Variants in SRP54 observed in about 807,000 individuals in gnomAD.
The protein encoded by SRP54 is signal recognition particle 54, also known as signal recognition particle subunit SRP54.
SRP54 carries 10 observed loss-of-function variants against 64.8 expected under a neutral mutation model. The observed-to-expected ratio is 0.15, with a 90% confidence interval of 0.10 to 0.26. The LOEUF is 0.26. SRP54 is among the 10% of genes least tolerant of loss of function. The pLI, the probability that SRP54 is intolerant of heterozygous loss-of-function variation, is 1.00. For missense variants in SRP54, 325 were observed against 613.7 expected (o/e 0.53, Z 4.97); for synonymous variants, 193 against 185.6 (o/e 1.04, Z -0.32).
chr14:34,992,468 A>C (rs999333580), intron 1 of SRP54, among the ~76,000 whole-genome samples: 19 of 152,196 alleles, frequency 1.2e-4, no homozygotes, highest in Non-Finnish European at 2.5e-4. Context: ...CCATAAAAAG[A>C]ATGAAATCAT....
intron 1 of SRP54, among the ~76,000 whole-genome samples, chr14:34,991,322 G>T (rs966342890): frequency 1.3e-5 from 2 of 151,418 alleles, no homozygotes; most frequent in Non-Finnish European, 2.9e-5. Flanking sequence ...TAGAGATGGG[G>T]TTTCACCATG....
intron 13 of SRP54, among the ~76,000 whole-genome samples, chr14:35,022,082 C>A (rs977705831): frequency 1.3e-5 from 2 of 151,914 alleles, no homozygotes; most frequent in African/African-American, 4.8e-5. Context: ...TAGAACGTAC[C>A]TCTTTCTGCT....
At chr14:34,996,064 C>CAAA (rs201959550) in intron 1 of SRP54, among the ~76,000 whole-genome samples, 13 of 119,566 alleles carry the variant, frequency 1.1e-4, no homozygotes, top group East Asian at 2.2e-4. Flanking sequence ...GACCCTGTCT[C>CAAA]AAAAAAAAAA....
intron 11 of SRP54, among the ~76,000 whole-genome samples, chr14:35,016,404 A>G (rs1250921531): frequency 1.3e-5 from 2 of 152,194 alleles, no homozygotes; most frequent in Non-Finnish European, 2.9e-5. Context: ...TCTGTGTGCC[A>G]GCTATGCTGG....
chr14:35,006,637 C>G (rs1290107593), intron 4 of SRP54, among the ~76,000 whole-genome samples: 1 of 151,952 alleles, frequency 6.6e-6, no homozygotes, highest in Non-Finnish European at 1.5e-5. Context: ...TCATGTGTAG[C>G]CTTCATATAC....
chr14:35,011,629 T>A lies in SRP54; in HGVS notation c.606T>A (p.Phe202Leu). 3 of 1,584,306 alleles carry A rather than the reference T, an allele frequency of 1.9e-6. No individual in the cohort carries two copies. Among genetic ancestry groups the A allele is most frequent in the Non-Finnish European group, 2.6e-6 (3 of 1,162,018 alleles). ...SGRHKQEDSL[F>L]EEMLQVANAI... ...GCCACAAACAAGAAGACTCTTTGTT[T>A]GAAGAAATGCTTCAAGTTGCTAATG... Residue 202 changes from phenylalanine to leucine, a missense_variant, in exon 8 of 16, where the codon TTT becomes TTA. This residue lies in a region of SRP54 where 156 missense variants were observed against 254.6 expected (regional missense o/e 0.61). Coordinates refer to ENST00000216774, the MANE Select transcript of SRP54 (RefSeq NM_003136.4).
At chr14:34,994,811 A>G (rs1166231511) in intron 1 of SRP54, among the ~76,000 whole-genome samples, 2 of 150,784 alleles carry the variant, frequency 1.3e-5, no homozygotes, top group Admixed American at 6.6e-5. Flanking sequence ...ACAGAGTCTC[A>G]CTCTGTCACC....
intron 2 of SRP54, 63 bp downstream of exon 2, chr14:34,996,850 C>T: frequency 8.6e-7 from 1 of 1,165,728 alleles, no homozygotes; most frequent in Non-Finnish European, 1.3e-6. Context: ...GGGAAGATGG[C>T]TTATTCATAA....
At chr14:35,002,038 A>T (rs943370909) in intron 4 of SRP54, among the ~76,000 whole-genome samples, 1 of 141,786 alleles carries the variant, frequency 7.1e-6, no homozygotes, top group Non-Finnish European at 1.6e-5. Flanking sequence ...CAGTCTCTAT[A>T]AAAAAAAAAA....
At position 35,006,566 on chromosome 14, in the gene SRP54, A is replaced by G. The variant is rs755544960; in HGVS notation, c.256-717A>G. On this transcript the variant is annotated intron_variant, in intron 4 of 15. Coordinates refer to ENST00000216774, the MANE Select transcript of SRP54 (RefSeq NM_003136.4). ...TAATTTTTTAGATGTATTGGGGTAG[A>G]TACTAAAATTAGTATCACCTGTTTT... Among the ~76,000 whole-genome samples, 4 of 150,098 alleles carry G rather than the reference A, an allele frequency of 2.7e-5. No individual in the cohort carries two copies. In the Middle Eastern group the frequency reaches 0.01, roughly 388 times the overall value.
In SRP54 at chr14:35,013,394, T is replaced by G; in HGVS notation, c.685T>G (p.Cys229Gly). 1 of 1,614,166 alleles carries G rather than the reference T, an allele frequency of 6.2e-7. No individual in the cohort carries two copies. Among genetic ancestry groups the G allele is most frequent in the Non-Finnish European group, 8.5e-7 (1 of 1,179,994 alleles). ...GATGGATGCCTCCATTGGGCAGGCTTGTGAAGCCCAGGCTAAGGCTTTTAA... is the reference window on the plus strand; with the variant it reads ...GATGGATGCCTCCATTGGGCAGGCTGGTGAAGCCCAGGCTAAGGCTTTTAA... ...YVMDASIGQA[C>G]EAQAKAFKDK... The change falls in exon 9 of 16, where the codon TGT becomes GGT. Residue 229 changes from cysteine (C) to glycine (G), a missense_variant. Around this residue, in one of 3 missense-constraint regions of SRP54, gnomAD observed 146 missense variants for 337.4 expected, o/e 0.43. Transcript: ENST00000216774.
At chr14:35,011,197 A>G (rs2139003664) in intron 7 of SRP54, among the ~76,000 whole-genome samples, 2 of 147,376 alleles carry the variant, frequency 1.4e-5, no homozygotes, top group Middle Eastern at 7.0e-3. Flanking sequence ...AAATGGAAAA[A>G]TGTGTGAAAC....
Position 35,029,247 on chromosome 14 carries a change from T to C in SRP54, c.*95T>C. The C allele has an allele frequency of 3.5e-6, 3 of 864,334 alleles. No homozygotes were observed. Among genetic ancestry groups the C allele is most frequent in the Non-Finnish European group, 5.3e-6 (3 of 560,908 alleles). 53.5% of individuals were successfully genotyped at this position (864,334 alleles called of 1,614,324 possible). On this transcript the variant is annotated 3_prime_UTR_variant, in exon 16 of 16. Coordinates refer to ENST00000216774, the MANE Select transcript of SRP54 (RefSeq NM_003136.4). ...TTTTGCGAATTGGGGGGAAAGTGTATTTTTCTTGCTTATCATGCACTCTTT... is the reference window on the plus strand; with the variant it reads ...TTTTGCGAATTGGGGGGAAAGTGTACTTTTCTTGCTTATCATGCACTCTTT...
intron 1 of SRP54, among the ~76,000 whole-genome samples, chr14:34,987,246 A>AAAAT (rs1555352658): frequency 2.7e-5 from 3 of 110,074 alleles, no homozygotes; most frequent in African/African-American, 1.1e-4. Flanking sequence ...AAAAAAAAAA[A>AAAAT]ATATATATAT....
intron 8 of SRP54, 28 bp from the exon 9 acceptor site, chr14:35,013,309 TCTTTTCTAA>T: frequency 1.9e-6 from 3 of 1,579,928 alleles, no homozygotes; most frequent in Non-Finnish European, 2.6e-6. Flanking sequence ...TCAATAAAAA[TCTTTTCTAA>T]AGTATCTTTT....
At chr14:35,009,483 A>G (rs2044321113) in intron 7 of SRP54, among the ~76,000 whole-genome samples, 1 of 152,092 alleles carries the variant, frequency 6.6e-6, no homozygotes. Flanking sequence ...GCCACTAATC[A>G]GAAGAGTGCA....
intron 9 of SRP54, 36 bp downstream of exon 9, chr14:35,013,530 G>T (rs749726962): frequency 1.3e-6 from 2 of 1,596,152 alleles, no homozygotes; most frequent in Non-Finnish European, 1.7e-6. Flanking sequence ...TCTGTCTTGG[G>T]ATTATATGGG....
intron 2 of SRP54, 170 bp downstream of exon 2, chr14:34,996,957 ACAACTT>A (rs765265847): frequency 7.2e-6 from 3 of 418,914 alleles, no homozygotes; most frequent in Non-Finnish European, 8.4e-6. Context: ...GAAATTAACT[ACAACTT>A]CAAATTTACT....
At chr14:34,983,267 G>C (rs2043835593) in intron 1 of SRP54, 52 bp downstream of exon 1, 1 of 152,350 alleles carries the variant, frequency 6.6e-6, no homozygotes. Context: ...GCGAGGGGCA[G>C]CCCCAGCGCT....
Sources: allele counts gnomAD v4.1 joint callset (sites outside exome capture counted in the v4.1 genomes callset), GRCh38; gene constraint gnomAD v4.1.1; regional missense constraint gnomAD v4.1.1; transcripts MANE v1.5; gene names NCBI Gene and HGNC (gene_info 2026-07-23, HGNC 2026-07-21).